Variants in DDX10 observed in about 807,000 individuals in gnomAD.
DDX10 encodes the protein DEAD-box helicase 10, also known as probable ATP-dependent RNA helicase DDX10.
A neutral mutation model predicts 104.3 loss-of-function variants in DDX10; 74 were observed. That is an observed-to-expected ratio of 0.71 (90% CI 0.59 to 0.86). The LOEUF (loss-of-function observed/expected upper bound fraction) is 0.86, where lower values mean the gene tolerates loss of function less well. DDX10 is among the 40% of genes least tolerant of loss of function. The pLI is 0.00. For synonymous variants in DDX10, 351 were observed against 353.4 expected (o/e 0.99, Z 0.08); for missense variants, 952 against 1,040.0 (o/e 0.92, Z 1.16).
chr11:108,911,602 C>T (rs1448362182), intron 16 of DDX10, among the ~76,000 whole-genome samples: 2 of 116,958 alleles, frequency 1.7e-5, no homozygotes, highest in East Asian at 5.4e-4. Context: ...CAGGACCTAG[C>T]TCTATCACCC....
At chr11:108,731,516 C>CTT (rs34825787) in intron 13 of DDX10, among the ~76,000 whole-genome samples, 73 of 142,846 alleles carry the variant, frequency 5.1e-4, no homozygotes, top group East Asian at 1.4e-3. Context: ...AATTGGGTTT[C>CTT]TTTTTTTTTT....
intron 16 of DDX10, among the ~76,000 whole-genome samples, chr11:108,907,374 C>A (rs1009597105): frequency 2.0e-5 from 3 of 149,250 alleles, no homozygotes; most frequent in African/African-American, 7.4e-5. Context: ...CTTGCTGTGT[C>A]CCCCAGGTTG....
chr11:108,940,314 G>A lies in DDX10; in HGVS notation c.2519G>A (p.Ser840Asn), dbSNP rs1864091378. ...NSEVEDVGPT[S>N]HNRKKARWDT... is the part of the protein sequence containing the mutation. ...GAAGTGGAAGACGTGGGACCAACAAGTCATAACAGAAAGAAGGCCAGGTGG... is the reference window on the plus strand; with the variant it reads ...GAAGTGGAAGACGTGGGACCAACAAATCATAACAGAAAGAAGGCCAGGTGG... The change falls in exon 18 of 18, where the codon AGT becomes AAT. Residue 840 changes from serine (S) to asparagine (N), a missense_variant. Physicochemically the swap from Ser to Asn is conservative, Grantham distance 46. Around this residue, in one of 3 missense-constraint regions of DDX10, gnomAD observed 533 missense variants for 534.1 expected, o/e 1.00. Transcript: ENST00000322536. 1 of 1,614,052 alleles carries A rather than the reference G, an allele frequency of 6.2e-7. No homozygotes were observed. Among genetic ancestry groups the A allele is most frequent in the Non-Finnish European group, 8.5e-7 (1 of 1,180,018 alleles).
intron 15 of DDX10, 84 bp from the exon 16 acceptor site, chr11:108,852,069 T>TAGGAAA (rs1197504255): frequency 4.6e-6 from 5 of 1,090,866 alleles, no homozygotes; most frequent in Non-Finnish European, 6.7e-6. Flanking sequence ...TAGTTAGCTT[T>TAGGAAA]AGGAAATAAA....
rs781073843 is a variant in DDX10, at chr11:108,679,452, G to A, written c.740G>A (p.Arg247His). The change falls in exon 6 of 18, where the codon CGT becomes CAT. Residue 247 changes from arginine to histidine, a missense_variant. Arg to His is a conservative substitution (Grantham distance 29). This residue lies in a region of DDX10 where 412 missense variants were observed against 479.2 expected (regional missense o/e 0.86). Transcript: ENST00000322536. ...NAVIENLPKK[R>H]QTLLFSATQT... ...GTTATTGAAAATCTCCCCAAGAAAC[G>A]TCAGACTTTACTTTTCTCAGCAACA... The A allele has an allele frequency of 1.7e-5, 28 of 1,613,508 alleles. No individual in the cohort carries two copies. Among genetic ancestry groups the A allele is most frequent in the South Asian group, 4.4e-5 (4 of 91,018 alleles).
chr11:108,930,661 A>G (rs908005660), intron 17 of DDX10, among the ~76,000 whole-genome samples: 2 of 152,214 alleles, frequency 1.3e-5, no homozygotes, highest in Non-Finnish European at 2.9e-5. Context: ...AGCATCTTGT[A>G]TTGTCAGTAT....
chr11:108,762,145 T>C (rs2094351571), intron 13 of DDX10, among the ~76,000 whole-genome samples: 1 of 152,186 alleles, frequency 6.6e-6, no homozygotes, highest in Non-Finnish European at 1.5e-5. Flanking sequence ...TGCCTTGGGG[T>C]ATTTTTATTC....
At chr11:108,723,538 G>C in intron 13 of DDX10, 76 bp downstream of exon 13, 1 of 1,428,376 alleles carries the variant, frequency 7.0e-7, no homozygotes, top group Non-Finnish European at 9.3e-7. Flanking sequence ...TGGGGACTGA[G>C]AGAAAGTGAA....
chr11:108,874,181 A>G (rs1312910185), intron 16 of DDX10, among the ~76,000 whole-genome samples: 1 of 152,228 alleles, frequency 6.6e-6, no homozygotes, highest in Non-Finnish European at 1.5e-5. Flanking sequence ...TTACGGGAAA[A>G]AAAATACCGT....
chr11:108,924,741 A>G (rs74887590), intron 17 of DDX10, among the ~76,000 whole-genome samples: 4,214 of 152,314 alleles, frequency 0.028, 139 homozygotes, highest in African/African-American at 0.079. Context: ...AAGATTTTAC[A>G]GTCAGCTTCA....
chr11:108,693,677 G>A (rs1055760960), intron 9 of DDX10, 77 bp downstream of exon 9: 5 of 1,153,566 alleles, frequency 4.3e-6, no homozygotes, highest in Admixed American at 1.7e-5. Context: ...GCAGATAAAC[G>A]AAGAAAGGAA....
intron 16 of DDX10, among the ~76,000 whole-genome samples, chr11:108,862,727 C>G (rs59509624): frequency 0.044 from 6,726 of 152,228 alleles, 421 homozygotes; most frequent in African/African-American, 0.13. Flanking sequence ...CCTCCCCACC[C>G]CAGTGAGTTT....
intron 6 of DDX10, among the ~76,000 whole-genome samples, chr11:108,685,903 C>G (rs1166508539): frequency 6.6e-6 from 1 of 151,986 alleles, no homozygotes; most frequent in Non-Finnish European, 1.5e-5. Context: ...TCTTTTTCTC[C>G]TTAGACATCC....
intron 13 of DDX10, among the ~76,000 whole-genome samples, chr11:108,835,836 G>C (rs1019931438): frequency 6.6e-6 from 1 of 152,056 alleles, no homozygotes; most frequent in Non-Finnish European, 1.5e-5. Context: ...GAGGCGTGGT[G>C]GGGGGTGGGG....
At chr11:108,824,350 C>A (rs1862367398) in intron 13 of DDX10, among the ~76,000 whole-genome samples, 1 of 152,220 alleles carries the variant, frequency 6.6e-6, no homozygotes, top group South Asian at 2.1e-4. Context: ...TAACTTAGCT[C>A]ATTATCACCT....
At chr11:108,770,168 A>G (rs1283381242) in intron 13 of DDX10, among the ~76,000 whole-genome samples, 2 of 152,160 alleles carry the variant, frequency 1.3e-5, no homozygotes, top group Middle Eastern at 3.2e-3. Flanking sequence ...TTTTGTGGGT[A>G]CGTAGGTGCA....
intron 13 of DDX10, chr11:108,822,406 A>G (rs1274872533): frequency 1.0e-5 from 4 of 401,850 alleles, no homozygotes; most frequent in Non-Finnish European, 9.9e-6. Flanking sequence ...GCTGGCAAAG[A>G]TCATTTTTGT....
At chr11:108,760,286 C>T (rs1056826971) in intron 13 of DDX10, among the ~76,000 whole-genome samples, 1 of 151,920 alleles carries the variant, frequency 6.6e-6, no homozygotes, top group Non-Finnish European at 1.5e-5. Flanking sequence ...GGCATAGCTT[C>T]CTAGATTCCT....
intron 13 of DDX10, among the ~76,000 whole-genome samples, chr11:108,782,309 A>C (rs765580091): frequency 6.6e-6 from 1 of 152,174 alleles, no homozygotes; most frequent in African/African-American, 2.4e-5. Flanking sequence ...CACAGCCTCA[A>C]TTTCTTCTAT....
Sources: gnomAD v4.1 joint callset for allele counts (sites outside exome capture counted in the v4.1 genomes callset) on GRCh38, gnomAD v4.1.1 for gene constraint, gnomAD v4.1.1 regional missense constraint, MANE v1.5 for transcripts, NCBI Gene and HGNC (gene_info 2026-07-23, HGNC 2026-07-21) for gene names.